Variants in SLC35F4 observed in about 807,000 individuals in gnomAD.
SLC35F4 encodes the protein solute carrier family 35 member F4.
In SLC35F4, 24 loss-of-function variants were observed where a neutral mutation model predicts 44.2. That is an observed-to-expected ratio of 0.54 (90% CI 0.39 to 0.76). The LOEUF (loss-of-function observed/expected upper bound fraction) is 0.76, where lower values mean the gene tolerates loss of function less well. Ranked by LOEUF, SLC35F4 falls within the 30% of genes least tolerant of loss-of-function variation. The probability of loss-of-function intolerance (pLI) is 0.00; values close to 1 mark genes in which losing one functional copy is unlikely to be tolerated. For synonymous variants in SLC35F4, 238 were observed against 223.6 expected, an observed-to-expected ratio of 1.06 and a Z score of -0.57; for missense variants, 562 against 586.1, an observed-to-expected ratio of 0.96 and a Z score of 0.42.
chr14:57,660,503 G>C (rs73303900), intron 1 of SLC35F4, among the ~76,000 whole-genome samples: 10 of 148,124 alleles, frequency 6.8e-5, no homozygotes, highest in Non-Finnish European at 1.3e-4. Context: ...CTGTGTCCTG[G>C]TGTTCATGCC....
In SLC35F4 at chr14:57,632,974, T is replaced by C. The variant is rs1016383520; in HGVS notation, c.104-38850A>G. Among the ~76,000 whole-genome samples the C allele has an allele frequency of 7.9e-5, 12 of 152,132 alleles. No individual in the cohort carries two copies. In the South Asian group the frequency reaches 8.3e-4, roughly 11 times the overall value. On this transcript the variant is annotated intron_variant, in intron 1 of 7. Transcript: ENST00000556826. ...TTGCCTTTTCCAGAATGTCATATCATTGGACTCATGCAGTATATAGACTTC... is the reference window on the plus strand; with the variant it reads ...TTGCCTTTTCCAGAATGTCATATCACTGGACTCATGCAGTATATAGACTTC...
At chr14:57,832,820 G>A (rs1413305249) in intron 1 of SLC35F4, among the ~76,000 whole-genome samples, 1 of 152,186 alleles carries the variant, frequency 6.6e-6, no homozygotes, top group Non-Finnish European at 1.5e-5. Flanking sequence ...TGTAATTCAT[G>A]TGTAAAATTA....
intron 1 of SLC35F4, among the ~76,000 whole-genome samples, chr14:57,827,420 G>T (rs1050973305): frequency 6.6e-6 from 1 of 152,030 alleles, no homozygotes; most frequent in Non-Finnish European, 1.5e-5. Flanking sequence ...GAGATAAGTT[G>T]ACAAGTACAG....
intron 1 of SLC35F4, among the ~76,000 whole-genome samples, chr14:57,762,529 T>A (rs1259533205): frequency 6.6e-6 from 1 of 152,172 alleles, no homozygotes; most frequent in Non-Finnish European, 1.5e-5. Context: ...CCAATTGCTA[T>A]GGTTTGAGTG....
At chr14:57,693,987 A>G (rs1181230343) in intron 1 of SLC35F4, among the ~76,000 whole-genome samples, 1 of 152,014 alleles carries the variant, frequency 6.6e-6, no homozygotes, top group Non-Finnish European at 1.5e-5. Flanking sequence ...ACCCAGTTCA[A>G]CTCCTTCATT....
upstream of SLC35F4, among the ~76,000 whole-genome samples, chr14:57,866,249 AGAG>A (rs1177820952): frequency 3.9e-5 from 6 of 152,116 alleles, no homozygotes; most frequent in African/African-American, 1.2e-4. Flanking sequence ...GTGGGGCGCG[AGAG>A]GAGAAGGCGA....
At chr14:57,567,478 C>G (rs2068264116) in intron 6 of SLC35F4, among the ~76,000 whole-genome samples, 1 of 152,174 alleles carries the variant, frequency 6.6e-6, no homozygotes, top group African/African-American at 2.4e-5. Context: ...GTATGTTCTT[C>G]TATTGTCATC....
At chr14:57,774,616 C>T (rs1448948265) in intron 1 of SLC35F4, among the ~76,000 whole-genome samples, 3 of 152,190 alleles carry the variant, frequency 2.0e-5, no homozygotes, top group African/African-American at 7.2e-5. Context: ...GTCTGCTGGC[C>T]TTTCTCAGGG....
At chr14:57,741,545 G>C (rs568776201) in intron 1 of SLC35F4, among the ~76,000 whole-genome samples, 2 of 152,236 alleles carry the variant, frequency 1.3e-5, no homozygotes, top group South Asian at 2.1e-4. Flanking sequence ...AGAGAAAAAA[G>C]AGTAAAAAGA....
intron 1 of SLC35F4, among the ~76,000 whole-genome samples, chr14:57,810,232 C>T (rs186645787): frequency 6.6e-6 from 1 of 152,194 alleles, no homozygotes; most frequent in South Asian, 2.1e-4. Flanking sequence ...TTGCTCCCCC[C>T]ACTACTTACC....
chr14:57,574,778 C>G (rs983898186), intron 4 of SLC35F4, among the ~76,000 whole-genome samples: 7 of 152,116 alleles, frequency 4.6e-5, no homozygotes, highest in Admixed American at 3.9e-4. Context: ...CTTGGCACCA[C>G]TGGTTTAACT....
At chr14:57,753,032 G>C (rs17093642) in intron 1 of SLC35F4, among the ~76,000 whole-genome samples, 8,757 of 152,226 alleles carry the variant, frequency 0.058, 434 homozygotes, top group African/African-American at 0.13. Context: ...GCGTCAGGAT[G>C]CTCAGGGGAT....
chr14:57,817,029 A>C (rs1882678993), intron 1 of SLC35F4, among the ~76,000 whole-genome samples: 1 of 152,312 alleles, frequency 6.6e-6, no homozygotes, highest in Non-Finnish European at 1.5e-5. Context: ...TGCTACAGGA[A>C]GTATATGTTC....
chr14:57,569,150 G>A (rs1489994937), intron 6 of SLC35F4, among the ~76,000 whole-genome samples: 1 of 152,122 alleles, frequency 6.6e-6, no homozygotes, highest in Non-Finnish European at 1.5e-5. Flanking sequence ...CAAGCCTAGT[G>A]CATGCTGCTG....
chr14:57,594,918 T>C (rs755697258), intron 1 of SLC35F4, among the ~76,000 whole-genome samples: 1 of 152,170 alleles, frequency 6.6e-6, no homozygotes. Flanking sequence ...TATAGTCACA[T>C]AGGGTGCTGT....
At chr14:57,877,742 G>A (rs1406002632) in intron 1 of SLC35F4, among the ~76,000 whole-genome samples, 2 of 131,110 alleles carry the variant, frequency 1.5e-5, no homozygotes, top group African/African-American at 5.7e-5. Flanking sequence ...CTGGAGTGCA[G>A]TGGCAGATCT....
intron 1 of SLC35F4, among the ~76,000 whole-genome samples, chr14:57,699,695 T>C (rs1301334927): frequency 1.3e-5 from 2 of 152,228 alleles, no homozygotes; most frequent in Admixed American, 1.3e-4. Flanking sequence ...GGGGAAAGAA[T>C]TGAAGAAATT....
chr14:57,714,143 T>A (rs770415466), intron 1 of SLC35F4, among the ~76,000 whole-genome samples: 1 of 152,218 alleles, frequency 6.6e-6, no homozygotes, highest in Non-Finnish European at 1.5e-5. Context: ...TCAAAGAGTA[T>A]AAGAAAATCT....
At chr14:57,596,971 G>C (rs75538780) in intron 1 of SLC35F4, 129,907 of 1,053,830 alleles carry the variant, frequency 0.12, 9,586 homozygotes, top group East Asian at 0.43. Flanking sequence ...ACGTATTCAG[G>C]GGTTGGGCCA....
Sources: gnomAD v4.1 joint callset for allele counts (sites outside exome capture counted in the v4.1 genomes callset) on GRCh38, gnomAD v4.1.1 for gene constraint, MANE v1.5 for transcripts, NCBI Gene and HGNC (gene_info 2026-07-23, HGNC 2026-07-21) for gene names.